FBXL17: variants seen among roughly 807,000 people sequenced by gnomAD.
FBXL17 encodes the protein F-box/LRR-repeat protein 17.
In FBXL17, 22 loss-of-function variants were observed where a neutral mutation model predicts 66.2. The observed-to-expected ratio is 0.33, with a 90% CI of 0.24 to 0.47. The LOEUF (loss-of-function observed/expected upper bound fraction) is 0.47. FBXL17 is among the 20% of genes least tolerant of loss of function. The pLI is 1.00. For synonymous variants in FBXL17, 474 were observed against 400.5 expected (o/e 1.18, Z -2.19); for missense variants, 878 against 948.2 (o/e 0.93, Z 0.97).
rs1182395431 is a variant in FBXL17 at position 108,065,925 on chromosome 5, C to CAACAA, written c.1746-44929_1746-44925dup. On this transcript the variant is annotated intron_variant, in intron 6 of 8. Coordinates refer to ENST00000542267, the MANE Select transcript of FBXL17 (RefSeq NM_001163315.3). Reference sequence around the variant, plus strand: ...TCTCACATAGGAAAGCGATGGTTGTCAACAAAACAAAACAAAACCCCCAAA... The same window carrying CAACAA: ...TCTCACATAGGAAAGCGATGGTTGTCAACAAAACAAAACAAAACAAAACCCCCAAA... 2.6e-5 allele frequency among the ~76,000 whole-genome samples: 4 copies of CAACAA among 151,944 alleles called. No individual in the cohort carries two copies. In the East Asian group the frequency reaches 5.8e-4, roughly 22 times the overall value.
chr5:108,188,822 C>G (rs182731085), intron 5 of FBXL17, among the ~76,000 whole-genome samples: 41 of 152,244 alleles, frequency 2.7e-4, no homozygotes, highest in Middle Eastern at 6.8e-3. Flanking sequence ...TTTCCTATAT[C>G]TTACCTCTCA....
chr5:108,245,854 G>A lies in FBXL17; in HGVS notation c.1507-21626C>T, dbSNP rs189454540. Among the ~76,000 whole-genome samples the A allele has an allele frequency of 4.6e-5, 7 of 152,294 alleles. No individual in the cohort carries two copies. The East Asian group carries it at 7.7e-4, about 17-fold the overall frequency. The stretch of plus-strand genomic sequence containing the variant: ...TATACTCATCTCTCCAACTGGAGGG[G>A]TCAAAGGAAGTTTTGGGGTATTTTC... On this transcript the variant is annotated intron_variant, in intron 4 of 8. Transcript: ENST00000542267.
chr5:108,380,714 C>T lies in FBXL17; in HGVS notation c.978G>A (p.Pro326=), dbSNP rs1413199650. The T allele has an allele frequency of 1.6e-6, 2 of 1,249,410 alleles. No individual in the cohort carries two copies. The highest frequency in any genetic ancestry group is 2.0e-6 in the Non-Finnish European group (2 of 989,154). The allele number at this position is 1,249,410 out of a possible 1,614,324, so 77.4% of individuals were successfully genotyped here. ...PETPDINQLP[P]SILLKIFSNL... is the part of the protein sequence containing the mutation. ...CCAGACCCACCTTGAGCAGGATGGA[C>T]GGCGGCAGCTGGTTGATGTCTGGGG... Residue 326 remains proline (P), a synonymous_variant, in exon 1 of 9, where the codon CCG becomes CCA. Transcript: ENST00000542267.
chr5:107,860,416 T>C lies in FBXL17; in HGVS notation c.*1304A>G, dbSNP rs1203571309. On this transcript the variant is annotated 3_prime_UTR_variant, in exon 9 of 9. Coordinates refer to ENST00000542267, the MANE Select transcript of FBXL17 (RefSeq NM_001163315.3). ...TAAATCTAGACACAGGAACAGTTAT[T>C]TGAGCCTGAGTCCCTATTATGAATT... The C allele has an allele frequency of 1.3e-5, 2 of 152,768 alleles. No individual in the cohort carries two copies. The highest frequency in any genetic ancestry group is 2.9e-5 in the Non-Finnish European group (2 of 68,016). 9.5% of individuals were successfully genotyped at this position (152,768 alleles called of 1,614,324 possible).
intron 6 of FBXL17, among the ~76,000 whole-genome samples, chr5:108,062,443 C>A (rs1181032341): frequency 1.4e-4 from 21 of 151,914 alleles, no homozygotes; most frequent in African/African-American, 4.4e-4. Context: ...AAAAAGAACA[C>A]AAAACTTTTC....
At chr5:108,199,136 A>G (rs1753791540) in intron 5 of FBXL17, among the ~76,000 whole-genome samples, 2 of 152,278 alleles carry the variant, frequency 1.3e-5, no homozygotes, top group Middle Eastern at 3.4e-3. Flanking sequence ...AGGACTTTAA[A>G]TATCAACTTA....
intron 7 of FBXL17, among the ~76,000 whole-genome samples, chr5:107,970,966 C>A (rs1005454754): frequency 6.6e-6 from 1 of 152,246 alleles, no homozygotes; most frequent in South Asian, 2.1e-4. Context: ...CCGACAGAAT[C>A]TAGACACAGT....
At chr5:108,312,753 A>G (rs557611521) in intron 4 of FBXL17, among the ~76,000 whole-genome samples, 1 of 152,270 alleles carries the variant, frequency 6.6e-6, no homozygotes, top group East Asian at 1.9e-4. Context: ...CATAGGGCCA[A>G]TTTAGTTATT....
chr5:108,321,287 T>C (rs1759607540), intron 4 of FBXL17, among the ~76,000 whole-genome samples: 1 of 151,930 alleles, frequency 6.6e-6, no homozygotes, highest in African/African-American at 2.4e-5. Flanking sequence ...AGTATCAAAG[T>C]GTCTATGGGT....
intron 6 of FBXL17, among the ~76,000 whole-genome samples, chr5:108,128,242 T>G (rs1440192716): frequency 1.9e-5 from 2 of 106,274 alleles, no homozygotes; most frequent in Non-Finnish European, 4.0e-5. Context: ...CAAGACTCCA[T>G]CTTTAAAAAA....
In FBXL17 at chr5:108,137,008, T is replaced by A. The variant is rs192045098; in HGVS notation, c.1745+49109A>T. 1.1e-3 allele frequency among the ~76,000 whole-genome samples: 173 copies of A among 152,298 alleles called. 1 individual carries two copies. The highest frequency in any genetic ancestry group is 3.6e-3 in the African/African-American group (151 of 41,582). ...AACTCATTTTGATGATTAGATAACA[T>A]CATCCAATCTTTCAAAGGGTAATAA... On this transcript the variant is annotated intron_variant, in intron 6 of 8. Transcript: ENST00000542267.
chr5:108,057,373 T>A (rs908635898), intron 6 of FBXL17, among the ~76,000 whole-genome samples: 2 of 152,180 alleles, frequency 1.3e-5, no homozygotes, highest in African/African-American at 4.8e-5. Flanking sequence ...TAGTATGATT[T>A]TCATGTAGGA....
intron 4 of FBXL17, among the ~76,000 whole-genome samples, chr5:108,304,340 T>TTAA (rs1758736523): frequency 6.6e-6 from 1 of 151,976 alleles, no homozygotes; most frequent in Non-Finnish European, 1.5e-5. Flanking sequence ...ATTTTAATAT[T>TTAA]CAGTAATTCA....
At chr5:108,149,743 G>T (rs901541268) in intron 6 of FBXL17, among the ~76,000 whole-genome samples, 1 of 152,076 alleles carries the variant, frequency 6.6e-6, no homozygotes, top group African/African-American at 2.4e-5. Flanking sequence ...GAAAAAAATA[G>T]CCCTAACTTT....
chr5:107,982,397 CA>C (rs1235237539), intron 7 of FBXL17, among the ~76,000 whole-genome samples: 4 of 151,834 alleles, frequency 2.6e-5, no homozygotes, highest in African/African-American at 9.7e-5. Flanking sequence ...TATTCAGTAA[CA>C]GAACTATGAA....
At chr5:108,104,934 C>T (rs928574243) in intron 6 of FBXL17, among the ~76,000 whole-genome samples, 6 of 152,138 alleles carry the variant, frequency 3.9e-5, no homozygotes, top group Middle Eastern at 6.8e-3. Flanking sequence ...CCCCACCTCC[C>T]GGGTTCACGC....
intron 7 of FBXL17, among the ~76,000 whole-genome samples, chr5:107,982,774 A>AT (rs1446379101): frequency 6.6e-6 from 1 of 152,212 alleles, no homozygotes; most frequent in Non-Finnish European, 1.5e-5. Context: ...GATGAATTAT[A>AT]TTAATGCCCT....
At chr5:108,110,608 T>G (rs1244800144) in intron 6 of FBXL17, among the ~76,000 whole-genome samples, 3 of 152,194 alleles carry the variant, frequency 2.0e-5, no homozygotes, top group Non-Finnish European at 4.4e-5. Context: ...TTAAATGATT[T>G]CCATTTTTCG....
intron 4 of FBXL17, among the ~76,000 whole-genome samples, chr5:108,239,202 G>A (rs1044089015): frequency 1.3e-5 from 2 of 152,164 alleles, no homozygotes; most frequent in East Asian, 3.9e-4. Flanking sequence ...ACACCAAACT[G>A]AACAACTATC....
Sources: allele counts gnomAD v4.1 joint callset (sites outside exome capture counted in the v4.1 genomes callset), GRCh38; gene constraint gnomAD v4.1.1; transcripts MANE v1.5; gene names NCBI Gene and HGNC (gene_info 2026-07-23, HGNC 2026-07-21).